Variants in ABHD17B observed in about 807,000 individuals in gnomAD.
ABHD17B encodes alpha/beta hydrolase domain-containing protein 17B.
ABHD17B carries 9 observed loss-of-function variants against 26.2 expected under a neutral mutation model. That is an observed-to-expected ratio of 0.34 (90% confidence interval 0.21 to 0.60). The LOEUF (loss-of-function observed/expected upper bound fraction) is 0.60. Among genes scored for constraint, ABHD17B ranks in the 20% least tolerant of loss-of-function variants. ABHD17B has a pLI of 0.80. For missense variants in ABHD17B, 224 were observed against 352.1 expected, an observed-to-expected ratio of 0.64 and a Z score of 2.91; for synonymous variants, 127 against 122.3, an observed-to-expected ratio of 1.04 and a Z score of -0.25.
intron 1 of ABHD17B, among the ~76,000 whole-genome samples, chr9:71,891,607 G>T (rs1348818295): frequency 6.6e-6 from 1 of 152,238 alleles, no homozygotes; most frequent in East Asian, 1.9e-4. Context: ...TTATATTTGT[G>T]TAAGCCTATT....
intron 1 of ABHD17B, among the ~76,000 whole-genome samples, chr9:71,909,066 C>A (rs1198529050): frequency 6.6e-6 from 1 of 152,106 alleles, no homozygotes; most frequent in African/African-American, 2.4e-5. Context: ...ACAGAAAATT[C>A]TTTGTCAGCA....
intron 1 of ABHD17B, among the ~76,000 whole-genome samples, chr9:71,886,294 C>A (rs540428622): frequency 3.8e-4 from 58 of 151,944 alleles, no homozygotes; most frequent in Admixed American, 2.5e-3. Flanking sequence ...AACACAGTAT[C>A]AAAGTTTCCT....
At chr9:71,905,787 G>C (rs1827263941) in intron 1 of ABHD17B, among the ~76,000 whole-genome samples, 1 of 152,150 alleles carries the variant, frequency 6.6e-6, no homozygotes, top group Non-Finnish European at 1.5e-5. Flanking sequence ...CACTTTTGGA[G>C]GGGGCAGGTG....
chr9:71,890,956 G>A (rs990664648), intron 1 of ABHD17B, among the ~76,000 whole-genome samples: 9 of 152,052 alleles, frequency 5.9e-5, no homozygotes, highest in African/African-American at 2.2e-4. Flanking sequence ...ACATACCTCT[G>A]TTGATTCTGA....
chr9:71,910,204 G>C (rs1827413082), intron 1 of ABHD17B, among the ~76,000 whole-genome samples: 1 of 152,092 alleles, frequency 6.6e-6, no homozygotes, highest in Admixed American at 6.5e-5. Flanking sequence ...AGGCACCCGC[G>C]AATCTCTCAG....
chr9:71,906,526 C>A (rs995478074), intron 1 of ABHD17B, among the ~76,000 whole-genome samples: 12 of 152,166 alleles, frequency 7.9e-5, no homozygotes, highest in African/African-American at 2.9e-4. Context: ...AATACAGCAT[C>A]TGGCCGGGCA....
At chr9:71,890,512 C>T (rs1826751189) in intron 1 of ABHD17B, among the ~76,000 whole-genome samples, 1 of 152,268 alleles carries the variant, frequency 6.6e-6, no homozygotes, top group East Asian at 1.9e-4. Context: ...AGTTTTATAT[C>T]ATTTGCAATT....
chr9:71,889,032 A>G (rs1392740652), intron 1 of ABHD17B, among the ~76,000 whole-genome samples: 1 of 151,372 alleles, frequency 6.6e-6, no homozygotes, highest in Non-Finnish European at 1.5e-5. Flanking sequence ...AAAAAAACAA[A>G]CCAGCCAGGT....
chr9:71,898,707 C>A (rs544660978), intron 1 of ABHD17B, among the ~76,000 whole-genome samples: 20 of 151,518 alleles, frequency 1.3e-4, no homozygotes, highest in African/African-American at 3.9e-4. Flanking sequence ...AATTTAAAAA[C>A]AAATCTCTGG....
intron 1 of ABHD17B, among the ~76,000 whole-genome samples, chr9:71,901,100 C>T (rs1218916716): frequency 1.3e-5 from 2 of 152,028 alleles, no homozygotes; most frequent in South Asian, 2.1e-4. Context: ...TGCAGTGAGC[C>T]GAGATCGTGC....
intron 2 of ABHD17B, among the ~76,000 whole-genome samples, chr9:71,872,023 G>C (rs1180866562): frequency 6.6e-6 from 1 of 152,030 alleles, no homozygotes; most frequent in African/African-American, 2.4e-5. Flanking sequence ...TCTCTCTCCT[G>C]GTTACTTAAG....
chr9:71,876,296 T>C (rs982065339), intron 1 of ABHD17B, among the ~76,000 whole-genome samples: 1 of 152,186 alleles, frequency 6.6e-6, no homozygotes, highest in Non-Finnish European at 1.5e-5. Flanking sequence ...AACTATCTCT[T>C]TGACTCTCAT....
In ABHD17B at chr9:71,896,681, AAC is replaced by A. The variant is rs147044015; in HGVS notation, c.-4+13951_-4+13952del. On this transcript the variant is annotated intron_variant, in intron 1 of 3. Transcript: ENST00000333421. ...TATATACAGTTCTATCTTCTACCAA[AAC>A]ACACACACACACACACACACATATA... is the stretch of plus-strand genomic sequence containing the variant. 9.4e-3 allele frequency among the ~76,000 whole-genome samples: 1,388 copies of A among 147,652 alleles called. 22 individuals are homozygous for A. The highest frequency in any genetic ancestry group is 0.033 in the African/African-American group (1,317 of 40,424).
intron 1 of ABHD17B, among the ~76,000 whole-genome samples, chr9:71,897,379 T>C (rs11787844): frequency 5.3e-5 from 8 of 152,162 alleles, no homozygotes; most frequent in African/African-American, 1.9e-4. Context: ...TAGCTGGGTG[T>C]GGTGGCACAC....
intron 1 of ABHD17B, among the ~76,000 whole-genome samples, chr9:71,876,808 C>T (rs1826291853): frequency 6.6e-6 from 1 of 152,000 alleles, no homozygotes; most frequent in South Asian, 2.1e-4. Flanking sequence ...CAGAAAAAAG[C>T]ACAGGAAGAG....
In ABHD17B at chr9:71,866,102, A is replaced by C; in HGVS notation, c.*685T>G. 3 of 985,518 alleles carry C rather than the reference A, an allele frequency of 3.0e-6. No homozygotes were observed. Among genetic ancestry groups the C allele is most frequent in the Non-Finnish European group, 3.6e-6 (3 of 829,722 alleles). 61.0% of individuals were successfully genotyped at this position (985,518 alleles called of 1,614,324 possible). A position where few individuals can be genotyped will look rare whatever the true frequency, so the allele number is the denominator to read the frequency against. ...ACTTGCCTCACAGTACCAAACTTAGAAGTCAAAACTAGTTAAAATTCAGTG... is the reference window on the plus strand; with the variant it reads ...ACTTGCCTCACAGTACCAAACTTAGCAGTCAAAACTAGTTAAAATTCAGTG... On this transcript the variant is annotated 3_prime_UTR_variant, in exon 4 of 4. Coordinates refer to ENST00000333421, the MANE Select transcript of ABHD17B (RefSeq NM_001025780.3).
intron 1 of ABHD17B, among the ~76,000 whole-genome samples, chr9:71,885,982 C>T (rs1156647784): frequency 6.6e-6 from 1 of 152,162 alleles, no homozygotes; most frequent in African/African-American, 2.4e-5. Context: ...TATCTTTCTT[C>T]ATTTTGTGTG....
chr9:71,868,124 C>T (rs1826009595), intron 3 of ABHD17B, among the ~76,000 whole-genome samples: 1 of 151,448 alleles, frequency 6.6e-6, no homozygotes, highest in Non-Finnish European at 1.5e-5. Context: ...GAGGCTGAGG[C>T]AGGAGAATCA....
At chr9:71,884,801 G>C (rs999668475) in intron 1 of ABHD17B, among the ~76,000 whole-genome samples, 2 of 151,904 alleles carry the variant, frequency 1.3e-5, no homozygotes, top group African/African-American at 4.8e-5. Context: ...ACATATAGTA[G>C]GGTTTCTAAT....
Sources: allele counts gnomAD v4.1 joint callset (sites outside exome capture counted in the v4.1 genomes callset), GRCh38; gene constraint gnomAD v4.1.1; transcripts MANE v1.5; gene names NCBI Gene and HGNC (gene_info 2026-07-23, HGNC 2026-07-21).